Variants in PTRH1 observed in about 807,000 individuals in gnomAD.
The protein encoded by PTRH1 is peptidyl-tRNA hydrolase.
In PTRH1, 13 loss-of-function variants were observed where a neutral mutation model predicts 15.7. That is an observed-to-expected ratio of 0.83 (90% confidence interval 0.54 to 1.31). The LOEUF is 1.31. PTRH1 is among the 40% of genes most tolerant of loss of function. The pLI, the probability that PTRH1 is intolerant of heterozygous loss-of-function variation, is 0.00. For missense variants in PTRH1, 319 were observed against 296.2 expected (o/e 1.08, Z -0.56); for synonymous variants, 139 against 136.7 (o/e 1.02, Z -0.12).
chr9:127,698,386 A>G (rs762921681), intron 1 of PTRH1, among the ~76,000 whole-genome samples: 5 of 152,242 alleles, frequency 3.3e-5, no homozygotes, highest in Admixed American at 1.3e-4. Flanking sequence ...TAGAATGGCT[A>G]CTAGAAAAAC....
downstream of PTRH1, chr9:127,712,089 G>C: frequency 1.3e-6 from 2 of 1,514,628 alleles, no homozygotes; most frequent in South Asian, 2.5e-5. Flanking sequence ...GGCTTGGGGC[G>C]GGATGGGGGC....
chr9:127,706,916 G>A, intron 1 of PTRH1: 1 of 1,278,366 alleles, frequency 7.8e-7, no homozygotes, highest in Non-Finnish European at 1.1e-6. Flanking sequence ...CAAGAAGAGG[G>A]CAGGGTCCCT....
At chr9:127,713,663 T>C (rs377039987), downstream of PTRH1, 7 of 525,830 alleles carry the variant, frequency 1.3e-5, no homozygotes, top group South Asian at 1.4e-4. Flanking sequence ...TGCACCACCA[T>C]GCCTGGCTAC....
At chr9:127,703,781 T>C (rs992303967) in intron 1 of PTRH1, among the ~76,000 whole-genome samples, 3 of 152,184 alleles carry the variant, frequency 2.0e-5, no homozygotes, top group African/African-American at 7.2e-5. Flanking sequence ...CCGCCTGGTG[T>C]GAAAAAGCCT....
Position 127,713,999 on chromosome 9 carries a change from G to A in PTRH1, c.*101C>T. 2 of 1,579,058 alleles carry A rather than the reference G, an allele frequency of 1.3e-6. No individual in the cohort carries two copies. The highest frequency in any genetic ancestry group is 1.1e-5 in the South Asian group (1 of 90,178). The stretch of plus-strand genomic sequence containing the variant: ...AGGCAGCCTGGAACAGTCTAGAGGA[G>A]ATTTGTATAAAAAGTAGATACCAAG... On this transcript the variant is annotated 3_prime_UTR_variant, in exon 5 of 5. Coordinates refer to ENST00000543175, the MANE Select transcript of PTRH1 (RefSeq NM_001002913.3).
downstream of PTRH1, chr9:127,711,784 C>T (rs1423538852): frequency 5.8e-6 from 9 of 1,543,604 alleles, no homozygotes; most frequent in Non-Finnish European, 7.9e-6. Flanking sequence ...GGGGACAGGG[C>T]AGGCTGAGGG....
At position 127,713,815 on chromosome 9, in the gene PTRH1, A is replaced by G. The variant is rs1842828226; in HGVS notation, c.*285T>C. 1 of 1,611,212 alleles carries G rather than the reference A, an allele frequency of 6.2e-7. No homozygotes were observed. Among genetic ancestry groups the G allele is most frequent in the Non-Finnish European group, 8.5e-7 (1 of 1,177,754 alleles). On this transcript the variant is annotated 3_prime_UTR_variant, in exon 5 of 5. Transcript: ENST00000543175. ...AGCCACTGCACCCGGCCTCCAAGCC[A>G]GCATCTTTAATCTTACAGATGCGTG... is the stretch of plus-strand genomic sequence containing the variant.
At chr9:127,713,319 G>A (rs1418343359), downstream of PTRH1, 2 of 820,886 alleles carry the variant, frequency 2.4e-6, no homozygotes, top group East Asian at 2.8e-5. Flanking sequence ...AGATCTCTCT[G>A]AGCCTTCCCA....
At chr9:127,694,980 G>T in exon 2 of PTRH1, 1 of 702,752 alleles carries the variant, frequency 1.4e-6, no homozygotes, top group Non-Finnish European at 2.6e-6. Context: ...AGGTGACTTT[G>T]TTCCCTCCTG....
At chr9:127,710,497 GC>G, downstream of PTRH1, 1 of 1,379,526 alleles carries the variant, frequency 7.2e-7, no homozygotes, top group Non-Finnish European at 9.8e-7. Flanking sequence ...ACCACACAGG[GC>G]GCACAGGAAG....
chr9:127,711,283 G>A, downstream of PTRH1: 6 of 1,614,190 alleles, frequency 3.7e-6, no homozygotes, highest in Non-Finnish European at 5.1e-6. Context: ...AGTTCCACAA[G>A]GTGACCACGA....
chr9:127,711,398 G>C (rs781304068), downstream of PTRH1: 7 of 1,614,070 alleles, frequency 4.3e-6, no homozygotes, highest in African/African-American at 9.3e-5. Flanking sequence ...GCAGGAGAAT[G>C]AGCAGCTCAA....
intron 1 of PTRH1, chr9:127,695,808 A>T (rs929832408): frequency 7.9e-5 from 12 of 152,216 alleles, no homozygotes; most frequent in Non-Finnish European, 1.8e-4. Context: ...AAACCACGGC[A>T]CTTCAAAACC....
At chr9:127,694,891 G>T in intron 2 of PTRH1, 1 of 675,476 alleles carries the variant, frequency 1.5e-6, no homozygotes, top group South Asian at 1.6e-5. Context: ...CAGAAGGCCA[G>T]AGTGGTTAGG....
chr9:127,712,698 C>T (rs774434087), downstream of PTRH1: 3 of 1,614,012 alleles, frequency 1.9e-6, no homozygotes, highest in Admixed American at 5.0e-5. Context: ...CCACCCCACC[C>T]TCACCAACAG....
rs530300746 is a variant in PTRH1 at position 127,706,678 on chromosome 9, T to C, written c.205+8757A>G. On this transcript the variant is annotated intron_variant, in intron 1 of 2. Transcript: ENST00000335223. ...CTTTGTGTGCCCAGGGTTAGTGTCG[T>C]CCATCTTCTGATCAGCACAAAGGAA... Among the ~76,000 whole-genome samples, 9 of 152,290 alleles carry C rather than the reference T, an allele frequency of 5.9e-5. No individual in the cohort carries two copies. In the East Asian group the frequency reaches 1.7e-3, roughly 29 times the overall value.
At chr9:127,709,351 T>G, downstream of PTRH1, 1 of 1,507,500 alleles carries the variant, frequency 6.6e-7, no homozygotes, top group Non-Finnish European at 9.0e-7. This position sits in a 1 kb window ranked among gnomAD's most constrained non-coding sequence, Gnocchi z 4.7. Flanking sequence ...TCCAGGAGAG[T>G]GGGCCCAGCT....
chr9:127,703,193 G>A (rs975188162), intron 1 of PTRH1, among the ~76,000 whole-genome samples: 1 of 151,772 alleles, frequency 6.6e-6, no homozygotes, highest in African/African-American at 2.4e-5. Flanking sequence ...GCTCACACCT[G>A]TAATCCTAGC....
downstream of PTRH1, chr9:127,711,951 G>A (rs374798769): frequency 1.4e-5 from 22 of 1,605,416 alleles, no homozygotes; most frequent in Non-Finnish European, 1.9e-5. Context: ...AGGCACTGAA[G>A]TGCGTATGGC....
Sources: allele counts gnomAD v4.1 joint callset (sites outside exome capture counted in the v4.1 genomes callset), GRCh38; gene constraint gnomAD v4.1.1; non-coding constraint Gnocchi (gnomAD v3.1); transcripts MANE v1.5; gene names NCBI Gene and HGNC (gene_info 2026-07-23, HGNC 2026-07-21).